Variants in WDPCP observed in about 807,000 individuals in gnomAD.
WDPCP encodes the protein WD repeat-containing and planar cell polarity effector protein fritz homolog.
A neutral mutation model predicts 93.1 loss-of-function variants in WDPCP; 71 were observed. The ratio of observed to expected loss-of-function variants is 0.76; its 90% confidence interval spans 0.63 to 0.93. The LOEUF (loss-of-function observed/expected upper bound fraction) is 0.93. Ranked by LOEUF, WDPCP falls within the 40% of genes least tolerant of loss-of-function variation. WDPCP has a pLI of 0.00. For missense variants in WDPCP, 844 were observed against 887.4 expected (o/e 0.95, Z 0.62); for synonymous variants, 315 against 315.0 (o/e 1.00, Z 0.00).
At position 63,120,777 on chromosome 2, in the gene WDPCP, G is replaced by A. The variant is rs1355617553; in HGVS notation, c.*1229C>T. Reference sequence around the variant, plus strand: ...TCTCCATCTCCTGACCTCGTGATTCGCCCGCCTTGGCCTCCCAAAGTGCTG... The same window carrying A: ...TCTCCATCTCCTGACCTCGTGATTCACCCGCCTTGGCCTCCCAAAGTGCTG... On this transcript the variant is annotated 3_prime_UTR_variant, in exon 18 of 18. Coordinates refer to ENST00000272321, the MANE Select transcript of WDPCP (RefSeq NM_015910.7). Among the ~76,000 whole-genome samples, 1 of 150,878 alleles carries A rather than the reference G, an allele frequency of 6.6e-6. No homozygotes were observed. Among genetic ancestry groups the A allele is most frequent in the East Asian group, 1.9e-4 (1 of 5,140 alleles).
At chr2:63,769,136 G>T (rs1670188368) in intron 2 of WDPCP, among the ~76,000 whole-genome samples, 1 of 151,844 alleles carries the variant, frequency 6.6e-6, no homozygotes, top group Admixed American at 6.6e-5. Context: ...TGTACTGTTG[G>T]GCCACAACTG....
chr2:63,748,583 G>C (rs961260000), intron 2 of WDPCP, among the ~76,000 whole-genome samples: 1 of 151,968 alleles, frequency 6.6e-6, no homozygotes, highest in Non-Finnish European at 1.5e-5. Context: ...AACCTAATTT[G>C]ATATATTATC....
intron 13 of WDPCP, among the ~76,000 whole-genome samples, chr2:63,266,865 A>G (rs1462139803): frequency 6.6e-6 from 1 of 152,196 alleles, no homozygotes; most frequent in Admixed American, 6.5e-5. Context: ...TCCCATATTC[A>G]TGGATTAGTA....
At chr2:63,405,492 C>G (rs1319751604) in intron 9 of WDPCP, among the ~76,000 whole-genome samples, 1 of 146,938 alleles carries the variant, frequency 6.8e-6, no homozygotes, top group African/African-American at 2.6e-5. Context: ...TTTTCATATA[C>G]TTGAGTTCCA....
intron 12 of WDPCP, among the ~76,000 whole-genome samples, chr2:63,341,144 T>G (rs780199023): frequency 6.6e-6 from 1 of 152,226 alleles, no homozygotes; most frequent in African/African-American, 2.4e-5. Flanking sequence ...TGTTTATTTT[T>G]TAAAGACAGA....
intron 1 of WDPCP, among the ~76,000 whole-genome samples, chr2:63,527,490 A>G (rs972242327): frequency 1.3e-5 from 2 of 151,602 alleles, no homozygotes; most frequent in Non-Finnish European, 2.9e-5. Context: ...TGTCCTTGCG[A>G]TAGTTTGCTC....
chr2:63,327,026 CA>C (rs1687609921), intron 12 of WDPCP, among the ~76,000 whole-genome samples: 1 of 151,884 alleles, frequency 6.6e-6, no homozygotes, highest in South Asian at 2.1e-4. Context: ...CTTAACCTAA[CA>C]GGTTTCCTAA....
At position 63,702,006 on chromosome 2, in the gene WDPCP, T is replaced by C. The variant is rs537672857; in HGVS notation, n.309-51168A>G. Among the ~76,000 whole-genome samples, 153 of 152,178 alleles carry C rather than the reference T, an allele frequency of 1.0e-3. 2 individuals carry two copies. The highest frequency in any genetic ancestry group is 5.4e-4 in the Non-Finnish European group (37 of 68,036). Reference sequence around the variant, plus strand: ...AATAATTAGACGAGAATAATTCAATTGTTCCTAGCATAAAGAAAAGACGAT... The same window carrying C: ...AATAATTAGACGAGAATAATTCAATCGTTCCTAGCATAAAGAAAAGACGAT... On this transcript the variant is annotated intron_variant and non_coding_transcript_variant, in intron 2 of 4. Coordinates refer to the WDPCP transcript ENST00000467687.
chr2:63,376,966 C>A (rs1167326415), intron 12 of WDPCP, among the ~76,000 whole-genome samples: 4 of 151,810 alleles, frequency 2.6e-5, no homozygotes, highest in Admixed American at 1.3e-4. Flanking sequence ...CAAATCTTGA[C>A]CAATCTGAAG....
At chr2:63,464,057 C>T (rs1699194272) in intron 6 of WDPCP, among the ~76,000 whole-genome samples, 1 of 151,964 alleles carries the variant, frequency 6.6e-6, no homozygotes, top group Non-Finnish European at 1.5e-5. Flanking sequence ...TATCAAAAGA[C>T]ACAATCAACA....
At chr2:63,563,571 A>G (rs567833599) in intron 1 of WDPCP, among the ~76,000 whole-genome samples, 1 of 152,180 alleles carries the variant, frequency 6.6e-6, no homozygotes, top group East Asian at 1.9e-4. Context: ...GGGAATGACT[A>G]CTAATGCATA....
At chr2:63,468,542 T>C (rs554456461) in intron 6 of WDPCP, among the ~76,000 whole-genome samples, 29 of 152,336 alleles carry the variant, frequency 1.9e-4, no homozygotes, top group African/African-American at 6.0e-4. Context: ...ATATGTTAGT[T>C]AGAAATGCAT....
intron 14 of WDPCP, among the ~76,000 whole-genome samples, chr2:63,192,986 G>A (rs553563149): frequency 7.9e-5 from 12 of 152,310 alleles, no homozygotes; most frequent in African/African-American, 2.9e-4. Flanking sequence ...AGTAGCAGCT[G>A]CTCTTGTAAA....
At chr2:63,772,211 CTAA>C (rs1670239528) in intron 2 of WDPCP, among the ~76,000 whole-genome samples, 4 of 152,030 alleles carry the variant, frequency 2.6e-5, no homozygotes, top group Admixed American at 2.6e-4. Context: ...TTTTGACTTT[CTAA>C]TAATAGCCAT....
chr2:63,335,618 T>C (rs751593882), intron 12 of WDPCP, among the ~76,000 whole-genome samples: 18 of 152,092 alleles, frequency 1.2e-4, no homozygotes, highest in Non-Finnish European at 1.9e-4. Flanking sequence ...AAACTGTTCA[T>C]TGCTGGTGTA....
At chr2:63,701,129 T>C (rs1669043172) in intron 2 of WDPCP, among the ~76,000 whole-genome samples, 2 of 152,104 alleles carry the variant, frequency 1.3e-5, no homozygotes, top group Admixed American at 6.6e-5. Context: ...ATAACCAGGA[T>C]ATATAAGGAG....
intron 9 of WDPCP, 46 bp from the exon 10 acceptor site, chr2:63,404,703 C>G (rs1323981095): frequency 1.2e-6 from 2 of 1,609,096 alleles, no homozygotes; most frequent in Non-Finnish European, 1.7e-6. Flanking sequence ...TTTGGTTTTT[C>G]TTCAACTTCA....
intron 3 of WDPCP, among the ~76,000 whole-genome samples, chr2:63,604,343 A>G (rs1309219948): frequency 6.6e-6 from 1 of 152,272 alleles, no homozygotes; most frequent in Non-Finnish European, 1.5e-5. Flanking sequence ...GTGAAACAAA[A>G]GATCACATTT....
intron 12 of WDPCP, among the ~76,000 whole-genome samples, chr2:63,354,521 G>A (rs1689862154): frequency 6.6e-6 from 1 of 152,152 alleles, no homozygotes; most frequent in Non-Finnish European, 1.5e-5. Context: ...AGCAAACATA[G>A]GGGAGTCACA....
Sources: gnomAD v4.1 joint callset for allele counts (sites outside exome capture counted in the v4.1 genomes callset) on GRCh38, gnomAD v4.1.1 for gene constraint, MANE v1.5 for transcripts, NCBI Gene and HGNC (gene_info 2026-07-23, HGNC 2026-07-21) for gene names.